The following IL1RAP variants were observed in gnomAD, a reference collection of about 807,000 sequenced individuals.
The protein encoded by IL1RAP is interleukin 1 receptor accessory protein, also known as interleukin-1 receptor accessory protein.
In IL1RAP, 35 loss-of-function variants were observed where a neutral mutation model predicts 60.7. The ratio of observed to expected loss-of-function variants is 0.58; its 90% CI spans 0.44 to 0.76. IL1RAP has a LOEUF of 0.76. Ranked by LOEUF, IL1RAP falls within the 30% of genes least tolerant of loss-of-function variation. The probability of loss-of-function intolerance (pLI) is 0.00; values close to 1 mark genes in which losing one functional copy is unlikely to be tolerated. For synonymous variants in IL1RAP, 268 were observed against 250.9 expected (o/e 1.07, Z -0.64); for missense variants, 572 against 693.9 (o/e 0.82, Z 1.97).
intron 1 of IL1RAP, among the ~76,000 whole-genome samples, chr3:190,537,953 A>G (rs989138791): frequency 2.0e-5 from 3 of 151,698 alleles, no homozygotes; most frequent in Non-Finnish European, 4.4e-5. Context: ...CTGTTTTGAG[A>G]ACTTTACTCA....
intron 1 of IL1RAP, chr3:190,517,782 C>T (rs1036938673): frequency 6.6e-6 from 1 of 152,156 alleles, no homozygotes; most frequent in African/African-American, 2.4e-5. Flanking sequence ...TTGAGGAAAT[C>T]AGAGGACGTA....
At chr3:190,522,303 TTCCTTCCTTCCTTCCTTCCTTCC>T (rs1384750262) in intron 1 of IL1RAP, among the ~76,000 whole-genome samples, 6 of 100,686 alleles carry the variant, frequency 6.0e-5, no homozygotes, top group African/African-American at 4.8e-4. Flanking sequence ...CCTTCCTTCC[TTCCTTCCTTCCTTCCTTCCTTCC>T]TTCCTTCCTT....
chr3:190,536,864 C>T (rs544285596), intron 1 of IL1RAP, among the ~76,000 whole-genome samples: 4 of 151,956 alleles, frequency 2.6e-5, no homozygotes, highest in Non-Finnish European at 4.4e-5. Context: ...CTTTTATATA[C>T]ACATATGATT....
At chr3:190,639,354 G>T (rs1733476706) in intron 9 of IL1RAP, among the ~76,000 whole-genome samples, 1 of 151,988 alleles carries the variant, frequency 6.6e-6, no homozygotes, top group African/African-American at 2.4e-5. Flanking sequence ...CCTGCTCTGT[G>T]TTTGTGTAGT....
At chr3:190,544,683 CTGA>C (rs1724222198) in intron 1 of IL1RAP, among the ~76,000 whole-genome samples, 1 of 152,070 alleles carries the variant, frequency 6.6e-6, no homozygotes, top group African/African-American at 2.4e-5. Context: ...GGCAAGGAAC[CTGA>C]TGATTGCAGA....
intron 1 of IL1RAP, among the ~76,000 whole-genome samples, chr3:190,544,196 G>C (rs1168432003): frequency 6.6e-6 from 1 of 152,090 alleles, no homozygotes; most frequent in Admixed American, 6.6e-5. Context: ...GGTCTCATAG[G>C]TGCTTACTCC....
intron 11 of IL1RAP, among the ~76,000 whole-genome samples, chr3:190,646,392 A>G (rs745329821): frequency 3.3e-5 from 5 of 152,136 alleles, no homozygotes; most frequent in Non-Finnish European, 7.3e-5. Context: ...TTCAAGCAAA[A>G]TAGTGCTACT....
intron 3 of IL1RAP, among the ~76,000 whole-genome samples, chr3:190,565,973 CCCTCTT>C (rs1306222348): frequency 6.6e-6 from 1 of 151,830 alleles, no homozygotes. Flanking sequence ...TCCTCCTCCT[CCCTCTT>C]CCTCTTCTCT....
intron 1 of IL1RAP, among the ~76,000 whole-genome samples, chr3:190,533,810 C>T (rs1169811359): frequency 1.3e-5 from 2 of 152,116 alleles, no homozygotes; most frequent in Non-Finnish European, 2.9e-5. Context: ...GAAACAAGTC[C>T]GAGTCAGGCC....
intron 2 of IL1RAP, among the ~76,000 whole-genome samples, chr3:190,560,754 T>C (rs1327342462): frequency 3.3e-5 from 5 of 152,170 alleles, no homozygotes; most frequent in Non-Finnish European, 7.3e-5. Context: ...ATGCTAATGA[T>C]TACCAAGTCT....
rs563903629 is a variant in IL1RAP at position 190,630,015 on chromosome 3, C to T, written c.1051+517C>T. The T allele has an allele frequency of 9.6e-6, 8 of 837,644 alleles. 1 individual carries two copies. The South Asian group carries it at 3.9e-4, about 41-fold the overall frequency. 51.9% of individuals were successfully genotyped at this position (837,644 alleles called of 1,614,324 possible). Reference sequence around the variant, plus strand: ...AGAAGCATTATCTGTAGTTGTAAAACATTATTAATAGCAGCCATCCAATTG... The same window carrying T: ...AGAAGCATTATCTGTAGTTGTAAAATATTATTAATAGCAGCCATCCAATTG... On this transcript the variant is annotated intron_variant, in intron 9 of 11. Coordinates refer to ENST00000447382, the MANE Select transcript of IL1RAP (RefSeq NM_002182.4).
At chr3:190,531,003 C>G (rs950158626) in intron 1 of IL1RAP, among the ~76,000 whole-genome samples, 1 of 152,174 alleles carries the variant, frequency 6.6e-6, no homozygotes, top group African/African-American at 2.4e-5. Flanking sequence ...CAAAGGGCAC[C>G]ATTCTATTGC....
At chr3:190,516,051 T>C (rs1203496428) in intron 1 of IL1RAP, among the ~76,000 whole-genome samples, 1 of 152,198 alleles carries the variant, frequency 6.6e-6, no homozygotes, top group East Asian at 1.9e-4. Context: ...CATGCAATAA[T>C]TTACTACTAT....
rs1733843781 is a variant in IL1RAP at position 190,644,119 on chromosome 3, A to G, written c.1052-129A>G. 2.8e-6 allele frequency: 4 copies of G among 1,438,706 alleles called. No individual in the cohort carries two copies. In the South Asian group the frequency reaches 4.7e-5, roughly 17 times the overall value. The allele number at this position is 1,438,706 out of a possible 1,614,324, so 89.1% of individuals were successfully genotyped here. A position where few individuals can be genotyped will look rare whatever the true frequency, so the allele number is the denominator to read the frequency against. ...AAATAGTGCTAAACTCTACAATGTT[A>G]TCTCTGATTGTTCATACATAGGCAG... On this transcript the variant is annotated intron_variant, in intron 9 of 11. Coordinates refer to ENST00000447382, the MANE Select transcript of IL1RAP (RefSeq NM_002182.4).
Position 190,648,669 on chromosome 3 carries a change from G to A in IL1RAP, c.1677G>A (p.Glu559=). ...KKSPRRSSSD[E]QGLSYSSLKN... is the part of the protein sequence containing the mutation. ...GTCCCAGGCGGTCTAGCAGTGATGA[G>A]CAGGGCCTCTCGTATTCATCTTTGA... The change falls in exon 12 of 12, where the codon GAG becomes GAA. Residue 559 remains glutamate, a synonymous_variant. Transcript: ENST00000447382. 1 of 1,613,838 alleles carries A rather than the reference G, an allele frequency of 6.2e-7. No homozygotes were observed. Among genetic ancestry groups the A allele is most frequent in the Non-Finnish European group, 8.5e-7 (1 of 1,179,904 alleles).
At chr3:190,519,612 C>A (rs759243916) in intron 1 of IL1RAP, among the ~76,000 whole-genome samples, 2 of 152,154 alleles carry the variant, frequency 1.3e-5, no homozygotes, top group African/African-American at 4.8e-5. Context: ...TGTATCCTCA[C>A]ATCACACTAC....
intron 6 of IL1RAP, among the ~76,000 whole-genome samples, chr3:190,623,139 A>G (rs976127075): frequency 1.3e-5 from 2 of 152,248 alleles, no homozygotes; most frequent in Non-Finnish European, 2.9e-5. Context: ...GGGAGCAGTC[A>G]TCAAACCTGT....
At chr3:190,518,627 T>G (rs903920113) in intron 1 of IL1RAP, 2 of 152,596 alleles carry the variant, frequency 1.3e-5, no homozygotes, top group Non-Finnish European at 2.9e-5. Context: ...ATTGGACTTA[T>G]AGTTCCACAT....
chr3:190,648,314 C>T (rs1734180318), intron 11 of IL1RAP, 24 bp from the exon 12 acceptor site: 2 of 1,552,596 alleles, frequency 1.3e-6, no homozygotes, highest in Non-Finnish European at 8.6e-7. Context: ...CAACACTAAT[C>T]CCCATGGTTG....
Sources: allele counts gnomAD v4.1 joint callset (sites outside exome capture counted in the v4.1 genomes callset), GRCh38; gene constraint gnomAD v4.1.1; transcripts MANE v1.5; gene names NCBI Gene and HGNC (gene_info 2026-07-23, HGNC 2026-07-21).